TECRL: variants seen among roughly 807,000 people sequenced by gnomAD.
The protein encoded by TECRL is trans-2,3-enoyl-CoA reductase-like.
In TECRL, 63 loss-of-function variants were observed where a neutral mutation model predicts 52.8. That is an observed-to-expected ratio of 1.19 (90% CI 0.97 to 1.47). The LOEUF is 1.47. Ranked by LOEUF, TECRL falls within the 40% of genes most tolerant of loss-of-function variation. The pLI is 0.00. For synonymous variants in TECRL, 164 were observed against 141.9 expected (o/e 1.16, Z -1.10); for missense variants, 482 against 429.6 (o/e 1.12, Z -1.08).
intron 1 of TECRL, among the ~76,000 whole-genome samples, chr4:64,382,293 TATTATAC>T (rs1722871139): frequency 6.9e-6 from 1 of 145,588 alleles, no homozygotes; most frequent in Admixed American, 7.0e-5. Context: ...TTATATTATA[TATTATAC>T]ATTATATTAT....
rs138745302 is a variant in TECRL at position 64,364,648 on chromosome 4, C to A, written c.286+10524G>T. ...ACCTATGTGCACAGAAACTAGAACA[C>A]CTAGAAGAAATCGATAAATTCCTGG... On this transcript the variant is annotated intron_variant, in intron 2 of 11. Transcript: ENST00000381210. Among the ~76,000 whole-genome samples, 667 of 151,914 alleles carry A rather than the reference C, an allele frequency of 4.4e-3. 2 individuals carry two copies. The highest frequency in any genetic ancestry group is 6.9e-3 in the Non-Finnish European group (471 of 67,942).
intron 9 of TECRL, among the ~76,000 whole-genome samples, chr4:64,282,346 A>G (rs2109927182): frequency 6.6e-6 from 1 of 152,140 alleles, no homozygotes. Flanking sequence ...ATCAGATAAC[A>G]AATCAGCTAA....
intron 1 of TECRL, among the ~76,000 whole-genome samples, chr4:64,399,921 C>T (rs1401050873): frequency 6.6e-6 from 1 of 152,154 alleles, no homozygotes; most frequent in Non-Finnish European, 1.5e-5. Flanking sequence ...AAGTTGGAGT[C>T]TCCACGCAGA....
intron 7 of TECRL, 119 bp from the exon 8 acceptor site, chr4:64,300,136 G>T: frequency 5.2e-6 from 3 of 576,546 alleles, no homozygotes; most frequent in African/African-American, 1.9e-5. Context: ...GAACTGTCTA[G>T]TATGTAATTC....
chr4:64,379,132 A>T (rs1003293361), intron 1 of TECRL, among the ~76,000 whole-genome samples: 2 of 151,990 alleles, frequency 1.3e-5, no homozygotes, highest in Non-Finnish European at 2.9e-5. Flanking sequence ...TTTTATCTGA[A>T]TAATGCTCTT....
At chr4:64,365,007 C>A (rs1721493831) in intron 2 of TECRL, among the ~76,000 whole-genome samples, 1 of 151,850 alleles carries the variant, frequency 6.6e-6, no homozygotes, top group Non-Finnish European at 1.5e-5. Flanking sequence ...AAATTGTCGA[C>A]AAAACAGTAA....
At chr4:64,312,990 A>G (rs1717157480) in intron 5 of TECRL, among the ~76,000 whole-genome samples, 1 of 152,266 alleles carries the variant, frequency 6.6e-6, no homozygotes, top group African/African-American at 2.4e-5. Context: ...CCATAATTGT[A>G]AGTTTCTTGA....
At chr4:64,289,829 A>C in intron 8 of TECRL, 62 bp from the exon 9 acceptor site, 1 of 1,037,386 alleles carries the variant, frequency 9.6e-7, no homozygotes, top group Non-Finnish European at 1.4e-6. Context: ...AAAAAAACAT[A>C]TTCTAGAGTT....
chr4:64,307,214 C>A (rs1260064626), intron 6 of TECRL, among the ~76,000 whole-genome samples: 1 of 152,110 alleles, frequency 6.6e-6, no homozygotes, highest in Non-Finnish European at 1.5e-5. Flanking sequence ...TAAGGACACC[C>A]CCCCTTCATT....
downstream of TECRL, chr4:64,276,994 A>G (rs765338001): frequency 3.0e-5 from 43 of 1,456,446 alleles, no homozygotes; most frequent in Middle Eastern, 3.5e-4. Flanking sequence ...AATATTGACA[A>G]CAAGATGGTG....
chr4:64,329,966 T>C (rs282243), intron 2 of TECRL, among the ~76,000 whole-genome samples: 145,244 of 151,594 alleles, frequency 0.96, 69,842 homozygotes, highest in East Asian at 1. Flanking sequence ...TACTATTTTA[T>C]TGTACTATTT....
intron 4 of TECRL, among the ~76,000 whole-genome samples, chr4:64,318,211 G>A (rs1358156799): frequency 5.9e-5 from 9 of 151,962 alleles, no homozygotes; most frequent in African/African-American, 2.2e-4. Context: ...GCAAAACCAA[G>A]AGAAATAGCA....
intron 4 of TECRL, among the ~76,000 whole-genome samples, chr4:64,322,251 C>G (rs534843485): frequency 6.6e-5 from 10 of 151,888 alleles, no homozygotes; most frequent in African/African-American, 2.4e-4. Flanking sequence ...TATATAAACC[C>G]CTAGTTTTAG....
At chr4:64,365,350 C>T (rs1284717711) in intron 2 of TECRL, among the ~76,000 whole-genome samples, 2 of 152,030 alleles carry the variant, frequency 1.3e-5, no homozygotes, top group Admixed American at 6.6e-5. Flanking sequence ...TTTTACCATT[C>T]CTATTCAACA....
chr4:64,354,850 G>C (rs529215676), intron 2 of TECRL, among the ~76,000 whole-genome samples: 32 of 152,302 alleles, frequency 2.1e-4, no homozygotes, highest in African/African-American at 7.7e-4. Context: ...TAGAATGATA[G>C]ATGATCAACT....
chr4:64,357,548 A>T (rs1285519498), intron 2 of TECRL, among the ~76,000 whole-genome samples: 1 of 151,540 alleles, frequency 6.6e-6, no homozygotes, highest in Non-Finnish European at 1.5e-5. Flanking sequence ...ATATAAGTTT[A>T]TCTGAAAGCT....
chr4:64,382,006 A>G (rs2109709383), intron 1 of TECRL, among the ~76,000 whole-genome samples: 1 of 151,864 alleles, frequency 6.6e-6, no homozygotes, highest in East Asian at 1.9e-4. Context: ...TATGAGAAAA[A>G]TTATCATTAG....
intron 9 of TECRL, among the ~76,000 whole-genome samples, chr4:64,285,201 A>G (rs922094083): frequency 6.6e-6 from 1 of 152,080 alleles, no homozygotes; most frequent in East Asian, 1.9e-4. Context: ...ACTGCCTTAC[A>G]AGGTCTTTTT....
intron 5 of TECRL, among the ~76,000 whole-genome samples, chr4:64,310,839 C>T (rs190235900): frequency 1.3e-5 from 2 of 152,276 alleles, no homozygotes; most frequent in African/African-American, 2.4e-5. Context: ...CCCACCTCAG[C>T]TTCCTGAGTA....
Sources: allele counts gnomAD v4.1 joint callset (sites outside exome capture counted in the v4.1 genomes callset), GRCh38; gene constraint gnomAD v4.1.1; transcripts MANE v1.5; gene names NCBI Gene and HGNC (gene_info 2026-07-23, HGNC 2026-07-21).